The following RPH3AL variants were observed in gnomAD, a reference collection of about 807,000 sequenced individuals.
RPH3AL encodes the protein rab effector Noc2.
Under a neutral mutation model 43.1 loss-of-function variants are expected in RPH3AL, and 38 were observed. That is an observed-to-expected ratio of 0.88 (90% CI 0.68 to 1.15). The LOEUF (loss-of-function observed/expected upper bound fraction) is 1.15. RPH3AL is among the 50% of genes most tolerant of loss of function. The pLI is 0.00. For missense variants in RPH3AL, 462 were observed against 423.2 expected (o/e 1.09, Z -0.81); for synonymous variants, 189 against 176.3 (o/e 1.07, Z -0.57).
At chr17:240,930 G>A (rs527802735) in intron 7 of RPH3AL, among the ~76,000 whole-genome samples, 25 of 151,906 alleles carry the variant, frequency 1.6e-4, no homozygotes, top group South Asian at 6.3e-4. Context: ...TGTAGCGGGC[G>A]CCTGTAGTCC....
chr17:240,881 A>G (rs1190378037), intron 7 of RPH3AL, among the ~76,000 whole-genome samples: 2 of 150,328 alleles, frequency 1.3e-5, no homozygotes, highest in African/African-American at 4.9e-5. Context: ...AACACGGTGA[A>G]CCCTGTCTCT....
intron 4 of RPH3AL, 67 bp from the exon 5 acceptor site, chr17:319,616 G>A (rs182581339): frequency 4.0e-5 from 63 of 1,578,794 alleles, no homozygotes; most frequent in South Asian, 1.0e-4. Context: ...ACTGAGGCCC[G>A]AAACCGTACC....
chr17:315,077 AC>A (rs2043901552), intron 5 of RPH3AL, among the ~76,000 whole-genome samples: 1 of 62,752 alleles, frequency 1.6e-5, no homozygotes, highest in Non-Finnish European at 3.4e-5. Context: ...CCTGTGCTCC[AC>A]CTCCACTGAA....
At chr17:220,438 C>G (rs78060988) in intron 7 of RPH3AL, among the ~76,000 whole-genome samples, 1 of 141,904 alleles carries the variant, frequency 7.0e-6, no homozygotes. Flanking sequence ...CTCGGTGAGA[C>G]AATAGACCCA....
At position 215,887 on chromosome 17, in the gene RPH3AL, C is replaced by T. The variant is rs1315993152; in HGVS notation, c.728-85G>A. 2.3e-5 allele frequency: 28 copies of T among 1,238,300 alleles called. No homozygotes were observed. The highest frequency in any genetic ancestry group is 2.8e-5 in the Non-Finnish European group (27 of 959,344). The allele number at this position is 1,238,300 out of a possible 1,614,324, so 76.7% of individuals were successfully genotyped here. ...CAGTTCCTCGTTTGGAACTCTAGAT[C>T]TCTATGGGATGTCTGCCCCCCACCC... On this transcript the variant is annotated intron_variant, in intron 8 of 9. Transcript: ENST00000331302. This position sits in a 1 kb window ranked among gnomAD's most constrained non-coding sequence, Gnocchi z 4.1.
intron 6 of RPH3AL, among the ~76,000 whole-genome samples, chr17:251,386 T>TCCCC (rs2041898693): frequency 6.6e-6 from 1 of 152,122 alleles, no homozygotes; most frequent in Non-Finnish European, 1.5e-5. Flanking sequence ...CGAAGAAGCT[T>TCCCC]ATTATCTCCA....
intron 6 of RPH3AL, among the ~76,000 whole-genome samples, chr17:260,726 C>T (rs1050324351): frequency 6.6e-6 from 1 of 152,098 alleles, no homozygotes. Context: ...ATGCTGGTCT[C>T]CCAGGAACCC....
chr17:267,462 C>T (rs770589492), intron 6 of RPH3AL, among the ~76,000 whole-genome samples: 5 of 152,288 alleles, frequency 3.3e-5, no homozygotes, highest in Admixed American at 2.6e-4. Context: ...TTCAGACGAG[C>T]GTCATGATTT....
intron 1 of RPH3AL, chr17:339,453 A>C (rs1164050515): frequency 6.6e-6 from 1 of 152,176 alleles, no homozygotes; most frequent in Non-Finnish European, 1.5e-5. Flanking sequence ...GCCCAGCCTG[A>C]CCCTGCACTA....
At chr17:348,510 T>C (rs1455580181) in intron 1 of RPH3AL, among the ~76,000 whole-genome samples, 1 of 150,032 alleles carries the variant, frequency 6.7e-6, no homozygotes, top group East Asian at 1.9e-4. Context: ...TGTTCAATTT[T>C]TTCTGTAAAC....
intron 7 of RPH3AL, among the ~76,000 whole-genome samples, chr17:230,490 A>G (rs1328778541): frequency 6.6e-6 from 1 of 152,158 alleles, no homozygotes; most frequent in East Asian, 1.9e-4. Context: ...TAGACACAAA[A>G]GCTGAGGCTG....
At chr17:234,598 G>A (rs2041318710) in intron 7 of RPH3AL, 1 of 155,242 alleles carries the variant, frequency 6.4e-6, no homozygotes, top group Non-Finnish European at 1.4e-5. Flanking sequence ...GGTCCCAGAG[G>A]ACAGACGGCA....
At chr17:257,058 C>T (rs80201843) in intron 6 of RPH3AL, among the ~76,000 whole-genome samples, 241 of 22,452 alleles carry the variant, frequency 0.011, no homozygotes, top group Admixed American at 0.014. Flanking sequence ...ATGAGGGGAG[C>T]CGCACGGCGT....
At chr17:317,586 G>A (rs72806066) in intron 5 of RPH3AL, among the ~76,000 whole-genome samples, 13,547 of 152,138 alleles carry the variant, frequency 0.089, 675 homozygotes, top group Middle Eastern at 0.15. Flanking sequence ...TGGCAAGGCT[G>A]AAGGAGGAGC....
chr17:302,278 C>T (rs1426063767), intron 5 of RPH3AL, among the ~76,000 whole-genome samples: 1 of 152,240 alleles, frequency 6.6e-6, no homozygotes, highest in African/African-American at 2.4e-5. Context: ...GAGAGGGAAA[C>T]AGATTTTCAT....
intron 5 of RPH3AL, among the ~76,000 whole-genome samples, chr17:284,387 G>T (rs2042855563): frequency 6.6e-6 from 1 of 152,168 alleles, no homozygotes; most frequent in Admixed American, 6.5e-5. Context: ...TGCCAGGCTG[G>T]TGCGCACGGC....
At chr17:293,959 C>T (rs1053357945) in intron 5 of RPH3AL, among the ~76,000 whole-genome samples, 4 of 152,120 alleles carry the variant, frequency 2.6e-5, no homozygotes, top group African/African-American at 9.7e-5. Context: ...AACCAGAAGT[C>T]GGAAGTTGCA....
rs71372186 is a variant in RPH3AL at position 242,368 on chromosome 17, C to A, written c.613+4743G>T. 3.2e-4 allele frequency among the ~76,000 whole-genome samples: 6 copies of A among 18,520 alleles called. No homozygotes were observed. The East Asian group carries it at 9.1e-3, about 28-fold the overall frequency. 12.1% of individuals were successfully genotyped at this position (18,520 alleles called of 152,430 possible). A position where few individuals can be genotyped will look rare whatever the true frequency, so the allele number is the denominator to read the frequency against. On this transcript the variant is annotated intron_variant, in intron 7 of 9. Coordinates refer to ENST00000331302, the MANE Select transcript of RPH3AL (RefSeq NM_006987.4). The stretch of plus-strand genomic sequence containing the variant: ...TCTATTGACTACCTTCCTCTATTGA[C>A]TACCTTCCTCTATTGACTACCTTCC...
intron 6 of RPH3AL, among the ~76,000 whole-genome samples, chr17:265,200 C>T (rs1442611070): frequency 3.9e-5 from 6 of 152,298 alleles, no homozygotes; most frequent in Admixed American, 3.9e-4. Context: ...GATCCTCCCA[C>T]CTAGGCTTCC....
Sources: allele counts gnomAD v4.1 joint callset (sites outside exome capture counted in the v4.1 genomes callset), GRCh38; gene constraint gnomAD v4.1.1; non-coding constraint Gnocchi (gnomAD v3.1); transcripts MANE v1.5; gene names NCBI Gene and HGNC (gene_info 2026-07-23, HGNC 2026-07-21).